ABCB1: variants seen among roughly 807,000 people sequenced by gnomAD.
ABCB1 encodes ATP binding cassette subfamily B member 1, also known as ATP-dependent translocase ABCB1.
A neutral mutation model predicts 142.0 loss-of-function variants in ABCB1; 69 were observed. That is an observed-to-expected ratio of 0.49 (90% CI 0.40 to 0.59). ABCB1 has a LOEUF of 0.59. Ranked by LOEUF, ABCB1 falls within the 20% of genes least tolerant of loss-of-function variation. The pLI is 0.00. For synonymous variants in ABCB1, 532 were observed against 539.2 expected, an observed-to-expected ratio of 0.99 and a Z score of 0.18; for missense variants, 1,326 against 1,554.7, an observed-to-expected ratio of 0.85 and a Z score of 2.47.
intron 20 of ABCB1, among the ~76,000 whole-genome samples, chr7:87,532,627 C>G (rs562304994): frequency 6.6e-6 from 1 of 152,082 alleles, no homozygotes; most frequent in Non-Finnish European, 1.5e-5. Flanking sequence ...TGAGAAGAGC[C>G]CACCCCTTTT....
intron 22 of ABCB1, among the ~76,000 whole-genome samples, chr7:87,520,454 G>T (rs1815449458): frequency 6.6e-6 from 1 of 152,004 alleles, no homozygotes; most frequent in Non-Finnish European, 1.5e-5. Flanking sequence ...CAAATTTCAG[G>T]TTCCATAAAT....
At chr7:87,576,879 A>G (rs1463568416) in intron 4 of ABCB1, among the ~76,000 whole-genome samples, 1 of 152,162 alleles carries the variant, frequency 6.6e-6, no homozygotes, top group Non-Finnish European at 1.5e-5. Flanking sequence ...GGTATCTATC[A>G]CCTCAAAAAT....
intron 1 of ABCB1, among the ~76,000 whole-genome samples, chr7:87,683,151 CT>C (rs1484269205): frequency 6.6e-6 from 1 of 152,146 alleles, no homozygotes; most frequent in Non-Finnish European, 1.5e-5. Context: ...GCGTCTTTGC[CT>C]CTCTCATCCT....
rs146259092 is a variant in ABCB1, at chr7:87,600,161, A to C, written c.24T>G (p.Asn8Lys). The C allele has an allele frequency of 3.1e-5, 50 of 1,613,996 alleles. No individual in the cohort carries two copies. Among genetic ancestry groups the C allele is most frequent in the Non-Finnish European group, 4.0e-5 (47 of 1,179,992 alleles). The change falls in exon 2 of 28, where the codon AAT (asparagine) becomes AAG (lysine). Residue 8 changes from asparagine (N) to lysine (K), a missense_variant. Coordinates refer to ENST00000622132, the MANE Select transcript of ABCB1 (RefSeq NM_001348946.2). MDLEGDR[N>K]GGAKKKNFFK... ...AAAAGTTCTTCTTCTTTGCTCCTCC[A>C]TTGCGGTCCCCTTCAAGATCCATTC... is the stretch of plus-strand genomic sequence containing the variant.
intron 1 of ABCB1, among the ~76,000 whole-genome samples, chr7:87,609,795 A>C (rs1819785604): frequency 6.6e-6 from 1 of 152,144 alleles, no homozygotes; most frequent in Non-Finnish European, 1.5e-5. Flanking sequence ...TCTGTAGTCC[A>C]AGTATCAGAT....
At chr7:87,709,102 G>GCACAA (rs1391832245) in intron 1 of ABCB1, 2 of 235,020 alleles carry the variant, frequency 8.5e-6, no homozygotes, top group African/African-American at 4.7e-5. Flanking sequence ...ATTAAAATTA[G>GCACAA]CACAACTTAT....
chr7:87,662,242 GC>G lies in ABCB1; in HGVS notation c.-331+50918del, dbSNP rs1206721479. Reference sequence around the variant, plus strand: ...TGATTGTTTACTTTGCAGTGCAGAAGCTTTTTAACTTGATGTGATCTCACTT... The same window carrying G: ...TGATTGTTTACTTTGCAGTGCAGAAGTTTTTAACTTGATGTGATCTCACTT... On this transcript the variant is annotated intron_variant, in intron 1 of 28. Transcript: ENST00000265724. Among the ~76,000 whole-genome samples the G allele has an allele frequency of 2.0e-5, 3 of 152,088 alleles. No homozygotes were observed. The East Asian group carries it at 5.8e-4, about 29-fold the overall frequency.
chr7:87,547,610 G>A (rs186108824), intron 14 of ABCB1, among the ~76,000 whole-genome samples: 46 of 151,698 alleles, frequency 3.0e-4, no homozygotes, highest in East Asian at 2.1e-3. Flanking sequence ...TAGCTCACGC[G>A]TGTAATCCCA....
intron 2 of ABCB1, among the ~76,000 whole-genome samples, chr7:87,599,760 A>G (rs1351552002): frequency 6.6e-6 from 1 of 152,242 alleles, no homozygotes; most frequent in Non-Finnish European, 1.5e-5. Flanking sequence ...TTAAAATGTT[A>G]TCAACACATA....
intron 1 of ABCB1, among the ~76,000 whole-genome samples, chr7:87,662,223 T>G (rs1325658566): frequency 1.3e-5 from 2 of 152,154 alleles, no homozygotes; most frequent in Non-Finnish European, 2.9e-5. Flanking sequence ...TTGTTGATTG[T>G]TTACTTTGCA....
chr7:87,694,230 A>T (rs1469863052), intron 1 of ABCB1, among the ~76,000 whole-genome samples: 1 of 152,132 alleles, frequency 6.6e-6, no homozygotes, highest in Non-Finnish European at 1.5e-5. Flanking sequence ...TTACGTGTGA[A>T]GTAGCAGCTC....
intron 1 of ABCB1, among the ~76,000 whole-genome samples, chr7:87,677,308 CA>C (rs1826470146): frequency 6.8e-6 from 1 of 146,978 alleles, no homozygotes; most frequent in Non-Finnish European, 1.5e-5. Flanking sequence ...CACACACACA[CA>C]CCACAATGGA....
chr7:87,629,528 A>T (rs1005045108), intron 1 of ABCB1, among the ~76,000 whole-genome samples: 1 of 152,136 alleles, frequency 6.6e-6, no homozygotes, highest in Non-Finnish European at 1.5e-5. Flanking sequence ...TGTGGAGGAT[A>T]CCTAGTCTTT....
chr7:87,690,407 C>A (rs1009775645), intron 1 of ABCB1, among the ~76,000 whole-genome samples: 1 of 152,058 alleles, frequency 6.6e-6, no homozygotes, highest in African/African-American at 2.4e-5. Context: ...AAGATTAGCA[C>A]AATTTAGGTA....
At position 87,522,150 on chromosome 7, in the gene ABCB1, C is replaced by G. The variant is rs569194545; in HGVS notation, c.2686-1274G>C. The G allele has an allele frequency of 7.6e-6, 11 of 1,448,266 alleles. No homozygotes were observed. In the East Asian group the frequency reaches 2.5e-4, roughly 33 times the overall value. The allele number at this position is 1,448,266 out of a possible 1,614,324, so 89.7% of individuals were successfully genotyped here. A position where few individuals can be genotyped will look rare whatever the true frequency, so the allele number is the denominator to read the frequency against. ...TCAGTGGTCATTGTGGCTTTGGTGG[C>G]AGCTGTGGTGGTGGTGGATATAGTG... On this transcript the variant is annotated intron_variant, in intron 21 of 27. Transcript: ENST00000622132.
chr7:87,610,867 C>G (rs779037620), intron 1 of ABCB1, among the ~76,000 whole-genome samples: 4 of 152,168 alleles, frequency 2.6e-5, no homozygotes, highest in African/African-American at 9.7e-5. Flanking sequence ...ATTTACTTTG[C>G]GTCAGAAACC....
chr7:87,666,506 G>A (rs890313665), intron 1 of ABCB1, among the ~76,000 whole-genome samples: 8 of 151,960 alleles, frequency 5.3e-5, no homozygotes, highest in African/African-American at 1.9e-4. Flanking sequence ...AGATCCATTT[G>A]TCAATTTTTA....
intron 1 of ABCB1, among the ~76,000 whole-genome samples, chr7:87,644,487 C>G (rs1032451965): frequency 1.3e-5 from 2 of 152,144 alleles, no homozygotes; most frequent in African/African-American, 4.8e-5. Context: ...TGGATACTTA[C>G]GTTCTATTAA....
At chr7:87,709,028 C>A (rs981356284) in intron 1 of ABCB1, among the ~76,000 whole-genome samples, 3 of 152,128 alleles carry the variant, frequency 2.0e-5, no homozygotes, top group African/African-American at 7.2e-5. Context: ...TTGGCCCAAA[C>A]AATCTTTATA....
Sources: gnomAD v4.1 joint callset for allele counts (sites outside exome capture counted in the v4.1 genomes callset) on GRCh38, gnomAD v4.1.1 for gene constraint, MANE v1.5 for transcripts, NCBI Gene and HGNC (gene_info 2026-07-23, HGNC 2026-07-21) for gene names.